The following PKHD1 variants were observed in gnomAD, a reference collection of about 807,000 sequenced individuals.
PKHD1 encodes the protein fibrocystin.
In PKHD1, 291 loss-of-function variants were observed where a neutral mutation model predicts 412.0. The ratio of observed to expected loss-of-function variants is 0.71; its 90% confidence interval spans 0.64 to 0.78. The LOEUF (loss-of-function observed/expected upper bound fraction) is 0.78, where lower values mean the gene tolerates loss of function less well. Among genes scored for constraint, PKHD1 ranks in the 30% least tolerant of loss-of-function variants. The pLI, the probability that PKHD1 is intolerant of heterozygous loss-of-function variation, is 0.00. For missense variants in PKHD1, 4,825 were observed against 4,950.7 expected, an observed-to-expected ratio of 0.97 and a Z score of 0.76; for synonymous variants, 1,777 against 1,821.5, an observed-to-expected ratio of 0.98 and a Z score of 0.62.
In PKHD1 at chr6:51,695,261, T is replaced by C. The variant is rs527274984; in HGVS notation, c.10157-35292A>G. Among the ~76,000 whole-genome samples the C allele has an allele frequency of 4.6e-5, 7 of 152,302 alleles. No homozygotes were observed. The East Asian group carries it at 1.4e-3, about 29-fold the overall frequency. ...AAACATTATCTAATGAACAAAGGAT[T>C]TTCTCAAAATCCTTTCATATCTTGT... On this transcript the variant is annotated intron_variant, in intron 60 of 66. Transcript: ENST00000371117.
At chr6:51,694,465 C>A (rs1778544329) in intron 60 of PKHD1, among the ~76,000 whole-genome samples, 1 of 151,182 alleles carries the variant, frequency 6.6e-6, no homozygotes, top group Non-Finnish European at 1.5e-5. Flanking sequence ...CTCACTGCAA[C>A]CTCTCCCTCC....
intron 60 of PKHD1, among the ~76,000 whole-genome samples, chr6:51,681,765 T>A (rs1776696292): frequency 6.6e-6 from 1 of 152,116 alleles, no homozygotes; most frequent in African/African-American, 2.4e-5. Flanking sequence ...GCTATTGTTA[T>A]AAACAAAATT....
At chr6:52,075,017 C>T (rs1420468404) in intron 6 of PKHD1, among the ~76,000 whole-genome samples, 1 of 149,212 alleles carries the variant, frequency 6.7e-6, no homozygotes, top group Non-Finnish European at 1.5e-5. Flanking sequence ...CTTCCTCATC[C>T]CTCACCCTAA....
Position 52,082,413 on chromosome 6 carries a change from G to A in PKHD1, c.260C>T (p.Pro87Leu), listed in dbSNP as rs775036117. Reference sequence around the variant, plus strand: ...ATACCTGGTCCGGCATGTCACCACAGGCAAATCCAAGAAAACAGGAAAGAC... The same window carrying A: ...ATACCTGGTCCGGCATGTCACCACAAGCAAATCCAAGAAAACAGGAAAGAC... ...CDVFPVFLDLPVVTCRTRSVL... is the reference protein window; with the variant it reads ...CDVFPVFLDLLVVTCRTRSVL... The change falls in exon 4 of 67, where the codon CCT (proline) becomes CTT (leucine). Residue 87 changes from proline to leucine, a missense_variant. Physicochemically the swap from Pro to Leu is moderately conservative, Grantham distance 98 (BLOSUM62 -3). Coordinates refer to ENST00000371117, the MANE Select transcript of PKHD1 (RefSeq NM_138694.4). 1 of 1,614,112 alleles carries A rather than the reference G, an allele frequency of 6.2e-7. No individual in the cohort carries two copies. The highest frequency in any genetic ancestry group is 1.1e-5 in the South Asian group (1 of 91,080).
chr6:52,006,353 TTTGTTG>T (rs34912833), intron 35 of PKHD1, among the ~76,000 whole-genome samples: 2 of 139,312 alleles, frequency 1.4e-5, no homozygotes, highest in African/African-American at 2.5e-5. Context: ...TGGTTTGTTT[TTTGTTG>T]TTGTTGTTGT....
chr6:52,047,234 A>T (rs1805997189), intron 23 of PKHD1, among the ~76,000 whole-genome samples: 2 of 152,172 alleles, frequency 1.3e-5, no homozygotes, highest in Non-Finnish European at 2.9e-5. Flanking sequence ...CACAGTAATG[A>T]GCCTCATAGA....
chr6:52,025,372 T>G lies in PKHD1; in HGVS notation c.4438A>C (p.Ile1480Leu). 1 of 1,613,230 alleles carries G rather than the reference T, an allele frequency of 6.2e-7. No homozygotes were observed. Among genetic ancestry groups the G allele is most frequent in the African/African-American group, 1.3e-5 (1 of 75,014 alleles). Residue 1480 changes from isoleucine to leucine, a missense_variant, in exon 32 of 67, where the codon ATA becomes CTA. Transcript: ENST00000371117. ...SECQGNCTLF[I>L]REEASPVMDA... ...ATGACAGGACTTGCCTCTTCCCTTA[T>G]GAAAAGAGTGCAATTCCCCTGACAC...
chr6:51,944,326 ACT>A (rs1439236183), intron 36 of PKHD1, among the ~76,000 whole-genome samples: 1 of 150,752 alleles, frequency 6.6e-6, no homozygotes. Flanking sequence ...CCCTTCACTG[ACT>A]CTCTTTTCGG....
chr6:51,732,431 A>G (rs1783340716), intron 60 of PKHD1, among the ~76,000 whole-genome samples: 1 of 152,200 alleles, frequency 6.6e-6, no homozygotes. Flanking sequence ...ACAACTCCTA[A>G]GATTCAACAA....
chr6:52,005,519 T>C (rs2128106558), intron 35 of PKHD1, among the ~76,000 whole-genome samples: 1 of 152,314 alleles, frequency 6.6e-6, no homozygotes, highest in South Asian at 2.1e-4. Context: ...CTCTGCATGC[T>C]GAATACCTAA....
At chr6:52,031,729 G>A (rs1562185585) in intron 29 of PKHD1, among the ~76,000 whole-genome samples, 1 of 152,182 alleles carries the variant, frequency 6.6e-6, no homozygotes, top group Non-Finnish European at 1.5e-5. Flanking sequence ...GGATGGAGAT[G>A]TGCAGCACTC....
At chr6:52,038,261 G>C (rs937614022) in intron 27 of PKHD1, among the ~76,000 whole-genome samples, 1 of 151,888 alleles carries the variant, frequency 6.6e-6, no homozygotes, top group African/African-American at 2.4e-5. Flanking sequence ...TGTACCTGTA[G>C]TCCCAGCTAC....
chr6:51,791,478 A>T, intron 52 of PKHD1, 105 bp from the exon 53 acceptor site: 1 of 1,007,254 alleles, frequency 9.9e-7, no homozygotes, highest in Non-Finnish European at 1.5e-6. Flanking sequence ...GTGTTATCTA[A>T]ACCAGGACAG....
At chr6:52,005,839 CT>C (rs534412809) in intron 35 of PKHD1, among the ~76,000 whole-genome samples, 8 of 148,424 alleles carry the variant, frequency 5.4e-5, no homozygotes, top group Admixed American at 1.4e-4. Context: ...ACCTACGTAA[CT>C]TTTTTTTTTA....
intron 35 of PKHD1, among the ~76,000 whole-genome samples, chr6:51,997,157 A>G (rs1329997919): frequency 6.6e-6 from 1 of 152,200 alleles, no homozygotes; most frequent in Non-Finnish European, 1.5e-5. Context: ...ACGAATAGGA[A>G]AGCAAGTAGG....
At chr6:51,895,653 C>T (rs1779792720) in intron 43 of PKHD1, among the ~76,000 whole-genome samples, 1 of 152,074 alleles carries the variant, frequency 6.6e-6, no homozygotes, top group Middle Eastern at 3.2e-3. Context: ...ACTTTAAGGT[C>T]ACCGGAGGAG....
At chr6:52,074,457 T>C (rs1335603511) in intron 6 of PKHD1, among the ~76,000 whole-genome samples, 1 of 152,042 alleles carries the variant, frequency 6.6e-6, no homozygotes, top group Non-Finnish European at 1.5e-5. Flanking sequence ...CTGTTACTGC[T>C]AAAAAAAATC....
intron 36 of PKHD1, among the ~76,000 whole-genome samples, chr6:51,958,806 CCACTAGCTACACA>C (rs1467419445): frequency 1.5e-5 from 2 of 133,304 alleles, no homozygotes; most frequent in African/African-American, 5.9e-5. Flanking sequence ...ATTCCCATAG[CCACTAGCTACACA>C]CACACACACA....
rs1775371448 is a variant in PKHD1 at position 51,868,059 on chromosome 6, A to C, written c.7537T>G (p.Leu2513Val). 6.2e-7 allele frequency: 1 copy of C among 1,611,364 alleles called. No homozygotes were observed. The highest frequency in any genetic ancestry group is 8.5e-7 in the Non-Finnish European group (1 of 1,177,702). Residue 2513 changes from leucine to valine, a missense_variant, in exon 48 of 67, where the codon TTA (leucine) becomes GTA (valine). Transcript: ENST00000371117. Reference sequence around the variant, plus strand: ...GCATGAGGAAATGGAAATGCCACTAAGTTTGAAGAGTTTGTAAACTTCAAC... The same window carrying C: ...GCATGAGGAAATGGAAATGCCACTACGTTTGAAGAGTTTGTAAACTTCAAC... Reference protein sequence around the residue: ...SQLKFTNSSNLVAFPFPHAAI... With the variant: ...SQLKFTNSSNVVAFPFPHAAI...
Sources: gnomAD v4.1 joint callset for allele counts (sites outside exome capture counted in the v4.1 genomes callset) on GRCh38, gnomAD v4.1.1 for gene constraint, MANE v1.5 for transcripts, NCBI Gene and HGNC (gene_info 2026-07-23, HGNC 2026-07-21) for gene names.